The following GPD2 variants were observed in gnomAD, a reference collection of about 807,000 sequenced individuals.
The protein encoded by GPD2 is glycerol-3-phosphate dehydrogenase 2.
Under a neutral mutation model 82.4 loss-of-function variants are expected in GPD2, and 54 were observed. The observed-to-expected ratio is 0.66, with a 90% CI of 0.53 to 0.82. GPD2 has a LOEUF of 0.82. Among genes scored for constraint, GPD2 ranks in the 40% least tolerant of loss-of-function variants. The probability of loss-of-function intolerance (pLI) is 0.00; values close to 1 mark genes in which losing one functional copy is unlikely to be tolerated. For missense variants in GPD2, 748 were observed against 896.2 expected (o/e 0.83, Z 2.11); for synonymous variants, 288 against 306.1 (o/e 0.94, Z 0.62).
At position 156,508,151 on chromosome 2, in the gene GPD2, G is replaced by A. The variant is rs1684853950; in HGVS notation, c.275-2645G>A. Among the ~76,000 whole-genome samples the A allele has an allele frequency of 3.9e-5, 6 of 151,930 alleles. No homozygotes were observed. The South Asian group carries it at 1.2e-3, about 32-fold the overall frequency. ...CAGGAATCTGGGTGAGCCTTAGCTG[G>A]GTACTGTGGCTCTGCATCCCTCATA... On this transcript the variant is annotated intron_variant, in intron 3 of 16. Coordinates refer to ENST00000438166, the MANE Select transcript of GPD2 (RefSeq NM_000408.5).
Position 156,578,455 on chromosome 2 carries a change from T to C in GPD2, c.1768-434T>C, listed in dbSNP as rs111541821. ...GTTTCTGTGTAAGAATACTCAGCAG[T>C]ACAAAGAAACAAAATATTGAAACAT... On this transcript the variant is annotated intron_variant, in intron 13 of 16. Coordinates refer to ENST00000438166, the MANE Select transcript of GPD2 (RefSeq NM_000408.5). 9.7e-3 allele frequency among the ~76,000 whole-genome samples: 1,482 copies of C among 152,244 alleles called. 28 individuals carry two copies. The highest frequency in any genetic ancestry group is 0.033 in the African/African-American group (1,387 of 41,534).
In GPD2 at chr2:156,571,232, C is replaced by T; in HGVS notation, c.1707C>T (p.Ala569=). ...AFLNVQAAEE[A]LPRIVELMGR... ...TAAATGTCCAGGCAGCAGAGGAAGC[C>T]CTACCCAGGATTGTTGAACTGATGG... Residue 569 remains alanine, a synonymous_variant, in exon 13 of 17, where the codon GCC becomes GCT. Transcript: ENST00000438166. The T allele has an allele frequency of 1.2e-6, 2 of 1,612,650 alleles. No homozygotes were observed. The highest frequency in any genetic ancestry group is 1.7e-6 in the Non-Finnish European group (2 of 1,178,792).
intron 9 of GPD2, among the ~76,000 whole-genome samples, chr2:156,560,891 A>G (rs1687142025): frequency 6.6e-6 from 1 of 151,976 alleles, no homozygotes; most frequent in Non-Finnish European, 1.5e-5. Flanking sequence ...ATTTTTAAAA[A>G]CTTCCTATTA....
intron 13 of GPD2, among the ~76,000 whole-genome samples, chr2:156,572,389 G>A (rs75678740): frequency 0.034 from 5,204 of 151,816 alleles, 303 homozygotes; most frequent in African/African-American, 0.12. Flanking sequence ...GAATTCAACC[G>A]TTTCTTAACA....
chr2:156,558,852 A>G (rs1687063133), intron 9 of GPD2, among the ~76,000 whole-genome samples: 1 of 134,118 alleles, frequency 7.5e-6, no homozygotes, highest in Non-Finnish European at 1.5e-5. Context: ...TCCTGACCTC[A>G]TGATCCACCG....
intron 6 of GPD2, among the ~76,000 whole-genome samples, chr2:156,540,029 A>C (rs1310019912): frequency 6.6e-6 from 1 of 152,206 alleles, no homozygotes; most frequent in Non-Finnish European, 1.5e-5. Context: ...AAAAACAAAA[A>C]ATCTGGTTAA....
At chr2:156,496,363 A>T in intron 3 of GPD2, 148 bp downstream of exon 3, 1 of 621,582 alleles carries the variant, frequency 1.6e-6, no homozygotes, top group Non-Finnish European at 2.8e-6. Flanking sequence ...TGCATTAGCT[A>T]TTTATCCTGA....
intron 1 of GPD2, among the ~76,000 whole-genome samples, chr2:156,456,580 A>C (rs1682796837): frequency 6.6e-6 from 1 of 151,732 alleles, no homozygotes; most frequent in Non-Finnish European, 1.5e-5. Flanking sequence ...TGGGCAACGG[A>C]GTGCGACTCT....
chr2:156,530,539 C>T (rs1685810629), intron 6 of GPD2, among the ~76,000 whole-genome samples: 1 of 150,026 alleles, frequency 6.7e-6, no homozygotes, highest in Admixed American at 6.7e-5. Flanking sequence ...CCAGTTTTTG[C>T]CCATTCAGTA....
At chr2:156,496,669 CTATATTTTATGAGTT>C (rs1684391319) in intron 3 of GPD2, among the ~76,000 whole-genome samples, 1 of 151,516 alleles carries the variant, frequency 6.6e-6, no homozygotes, top group African/African-American at 2.4e-5. Flanking sequence ...AAAAAGAAAA[CTATATTTTATGAGTT>C]TATATTTTAT....
intron 6 of GPD2, among the ~76,000 whole-genome samples, chr2:156,521,861 A>G (rs1039528664): frequency 6.6e-6 from 1 of 152,226 alleles, no homozygotes; most frequent in East Asian, 1.9e-4. Context: ...CTAAATGAAT[A>G]GTTTTAATCT....
chr2:156,520,327 G>A (rs1488333646), intron 6 of GPD2, among the ~76,000 whole-genome samples: 3 of 138,710 alleles, frequency 2.2e-5, no homozygotes, highest in African/African-American at 8.1e-5. Context: ...ACTACCCTCT[G>A]CTACCCAGTA....
At chr2:156,414,681 T>A in the GPD2 span, among the ~76,000 whole-genome samples, 1 of 152,174 alleles carries the variant, frequency 6.6e-6, no homozygotes, top group Non-Finnish European at 1.5e-5. Flanking sequence ...AAATAAACTT[T>A]TTACATTCAA....
At chr2:156,464,574 G>C (rs1683089648) in intron 1 of GPD2, among the ~76,000 whole-genome samples, 1 of 152,056 alleles carries the variant, frequency 6.6e-6, no homozygotes, top group African/African-American at 2.4e-5. Flanking sequence ...CGCACTTCTT[G>C]ATCTCTTATA....
intron 1 of GPD2, among the ~76,000 whole-genome samples, chr2:156,451,957 G>A (rs1051431726): frequency 6.6e-6 from 1 of 150,894 alleles, no homozygotes; most frequent in African/African-American, 2.4e-5. Context: ...TCCCAGACGG[G>A]GCGGCGGGGC....
chr2:156,585,548 T>G lies in GPD2; in HGVS notation c.*2630T>G, dbSNP rs894398315. 2 of 152,470 alleles carry G rather than the reference T, an allele frequency of 1.3e-5. No individual in the cohort carries two copies. The highest frequency in any genetic ancestry group is 4.8e-5 in the African/African-American group (2 of 41,432). 9.4% of individuals were successfully genotyped at this position (152,470 alleles called of 1,614,324 possible). A position where few individuals can be genotyped will look rare whatever the true frequency, so the allele number is the denominator to read the frequency against. On this transcript the variant is annotated 3_prime_UTR_variant, in exon 17 of 17. Coordinates refer to ENST00000438166, the MANE Select transcript of GPD2 (RefSeq NM_000408.5). ...ATCATGCTGTTTGCAATATTCTTGC[T>G]TTCAATCAATTTATACTGAGTGTAA... is the stretch of plus-strand genomic sequence containing the variant.
intron 11 of GPD2, 26 bp from the exon 12 acceptor site, chr2:156,570,061 T>G (rs1326151284): frequency 1.2e-6 from 2 of 1,608,036 alleles, no homozygotes; most frequent in Non-Finnish European, 1.7e-6. Flanking sequence ...TCAAAGTGCC[T>G]GCCTAACGCA....
chr2:156,506,136 T>G (rs1684779188), intron 3 of GPD2, among the ~76,000 whole-genome samples: 1 of 152,238 alleles, frequency 6.6e-6, no homozygotes, highest in South Asian at 2.1e-4. Context: ...TTAAAACATT[T>G]AGCATATAAT....
intron 3 of GPD2, among the ~76,000 whole-genome samples, chr2:156,507,892 C>G (rs1056028280): frequency 3.9e-5 from 6 of 152,130 alleles, no homozygotes; most frequent in African/African-American, 1.4e-4. Flanking sequence ...CCTTCTCTTT[C>G]TTAAGCTGGG....
Sources: gnomAD v4.1 joint callset for allele counts (sites outside exome capture counted in the v4.1 genomes callset) on GRCh38, gnomAD v4.1.1 for gene constraint, MANE v1.5 for transcripts, NCBI Gene and HGNC (gene_info 2026-07-23, HGNC 2026-07-21) for gene names.